Variants in SMIM20 observed in about 807,000 individuals in gnomAD.
SMIM20 encodes the protein small integral membrane protein 20.
Under a neutral mutation model 8.7 loss-of-function variants are expected in SMIM20, and 3 were observed. The observed-to-expected ratio is 0.34, with a 90% CI of 0.16 to 0.89. The LOEUF is 0.89. SMIM20 is among the 40% of genes least tolerant of loss of function. The probability of loss-of-function intolerance (pLI) is 0.49; values close to 1 mark genes in which losing one functional copy is unlikely to be tolerated. For missense variants in SMIM20, 85 were observed against 84.8 expected (o/e 1.00, Z -0.01); for synonymous variants, 44 against 33.6 (o/e 1.31, Z -1.07).
intron 1 of SMIM20, among the ~76,000 whole-genome samples, chr4:25,921,211 G>A (rs1560387489): frequency 6.6e-6 from 1 of 152,154 alleles, no homozygotes; most frequent in Non-Finnish European, 1.5e-5. Flanking sequence ...TGGGAGTGGA[G>A]ATAAGTGACT....
chr4:25,916,224 GT>G (rs1018351734), intron 1 of SMIM20, among the ~76,000 whole-genome samples: 1 of 150,336 alleles, frequency 6.7e-6, no homozygotes, highest in African/African-American at 2.4e-5. Context: ...GTTCCTTTTT[GT>G]TTTTTTTTCT....
chr4:25,923,937 G>A (rs2109365131), intron 1 of SMIM20, among the ~76,000 whole-genome samples: 1 of 152,340 alleles, frequency 6.6e-6, no homozygotes, highest in African/African-American at 2.4e-5. Flanking sequence ...ACTGTTGGGA[G>A]GAGTGCAGTG....
chr4:25,921,910 C>T (rs539333540), intron 1 of SMIM20, among the ~76,000 whole-genome samples: 1 of 152,174 alleles, frequency 6.6e-6, no homozygotes, highest in East Asian at 1.9e-4. Context: ...ATAAAGACAG[C>T]TCTTCATGAA....
intron 1 of SMIM20, among the ~76,000 whole-genome samples, chr4:25,918,380 T>C (rs1473746551): frequency 6.6e-6 from 1 of 152,234 alleles, no homozygotes; most frequent in South Asian, 2.1e-4. Context: ...CCTGTGGCCA[T>C]GTTATTAGGT....
chr4:25,922,653 C>T (rs1413052090), intron 1 of SMIM20, among the ~76,000 whole-genome samples: 1 of 152,154 alleles, frequency 6.6e-6, no homozygotes. Flanking sequence ...ATTTCATTCC[C>T]CAGGATCCTG....
At chr4:25,918,672 G>A (rs1044563465) in intron 1 of SMIM20, among the ~76,000 whole-genome samples, 1 of 151,434 alleles carries the variant, frequency 6.6e-6, no homozygotes, top group African/African-American at 2.4e-5. Context: ...CACCACGCCT[G>A]GCTATTTTTT....
chr4:25,922,027 G>T (rs1259887449), intron 1 of SMIM20, among the ~76,000 whole-genome samples: 1 of 152,184 alleles, frequency 6.6e-6, no homozygotes, highest in African/African-American at 2.4e-5. Flanking sequence ...TGGTTATATT[G>T]TTAAACATGC....
chr4:25,917,905 G>A (rs928823926), intron 1 of SMIM20, among the ~76,000 whole-genome samples: 2 of 150,956 alleles, frequency 1.3e-5, no homozygotes, highest in Non-Finnish European at 2.9e-5. Flanking sequence ...CACTGGTCAA[G>A]ACTTGCTTTG....
intron 1 of SMIM20, among the ~76,000 whole-genome samples, chr4:25,917,326 A>C (rs1719107119): frequency 6.6e-6 from 1 of 151,990 alleles, no homozygotes; most frequent in Non-Finnish European, 1.5e-5. Context: ...TTGAATTTAC[A>C]GGGTTTGGGG....
At chr4:25,923,851 G>T (rs1463974787) in intron 1 of SMIM20, among the ~76,000 whole-genome samples, 2 of 152,222 alleles carry the variant, frequency 1.3e-5, no homozygotes, top group African/African-American at 4.8e-5. Flanking sequence ...CAGGCAGACT[G>T]GGTCTTGTTT....
At chr4:25,917,974 G>A (rs1490466841) in intron 1 of SMIM20, among the ~76,000 whole-genome samples, 149 of 131,234 alleles carry the variant, frequency 1.1e-3, no homozygotes, top group Middle Eastern at 4.6e-3. Context: ...ACAGAGTCTC[G>A]CTCTTTCGCC....
chr4:25,924,612 A>G (rs1454495107), intron 1 of SMIM20, among the ~76,000 whole-genome samples: 1 of 152,212 alleles, frequency 6.6e-6, no homozygotes, highest in Non-Finnish European at 1.5e-5. Context: ...TATATATAAC[A>G]TACAGATACA....
At chr4:25,917,895 C>T (rs1270879536) in intron 1 of SMIM20, among the ~76,000 whole-genome samples, 1 of 150,984 alleles carries the variant, frequency 6.6e-6, no homozygotes, top group African/African-American at 2.4e-5. Context: ...GATTCTCTGA[C>T]ACTGGTCAAG....
At chr4:25,922,983 C>T (rs577827250) in intron 1 of SMIM20, among the ~76,000 whole-genome samples, 1 of 152,352 alleles carries the variant, frequency 6.6e-6, no homozygotes, top group African/African-American at 2.4e-5. Flanking sequence ...TATTGGATTT[C>T]ATTTTGGCGT....
chr4:25,919,365 G>A (rs1219909488), intron 1 of SMIM20, among the ~76,000 whole-genome samples: 1 of 150,370 alleles, frequency 6.7e-6, no homozygotes, highest in African/African-American at 2.5e-5. Flanking sequence ...TCTTGAGACA[G>A]TCTTGCTCTG....
chr4:25,917,896 A>T (rs929132791), intron 1 of SMIM20, among the ~76,000 whole-genome samples: 8 of 150,736 alleles, frequency 5.3e-5, no homozygotes, highest in Non-Finnish European at 8.8e-5. Context: ...ATTCTCTGAC[A>T]CTGGTCAAGA....
At chr4:25,924,046 G>A (rs751359391) in intron 1 of SMIM20, among the ~76,000 whole-genome samples, 3 of 151,818 alleles carry the variant, frequency 2.0e-5, no homozygotes, top group Non-Finnish European at 4.4e-5. Context: ...TTGTCACCAC[G>A]TCCATTTGGT....
intron 1 of SMIM20, among the ~76,000 whole-genome samples, chr4:25,919,905 G>A (rs1719167675): frequency 6.6e-6 from 1 of 152,080 alleles, no homozygotes; most frequent in Non-Finnish European, 1.5e-5. Flanking sequence ...CATCACTATT[G>A]TATATGGTCA....
chr4:25,918,386 T>C (rs1177101302), intron 1 of SMIM20, among the ~76,000 whole-genome samples: 1 of 152,264 alleles, frequency 6.6e-6, no homozygotes, highest in East Asian at 1.9e-4. Context: ...GCCATGTTAT[T>C]AGGTGCATAC....
Sources: allele counts gnomAD v4.1 joint callset (sites outside exome capture counted in the v4.1 genomes callset), GRCh38; gene constraint gnomAD v4.1.1; transcripts MANE v1.5; gene names NCBI Gene and HGNC (gene_info 2026-07-23, HGNC 2026-07-21).